DIP2C: variants seen among roughly 807,000 people sequenced by gnomAD.
DIP2C encodes the protein disco-interacting protein 2 homolog C.
Under a neutral mutation model 192.4 loss-of-function variants are expected in DIP2C, and 33 were observed. That is an observed-to-expected ratio of 0.17 (90% CI 0.13 to 0.23). DIP2C has a LOEUF of 0.23. DIP2C is among the 10% of genes least tolerant of loss of function. The pLI is 1.00. For missense variants in DIP2C, 1,537 were observed against 2,110.1 expected, an observed-to-expected ratio of 0.73 and a Z score of 5.32; for synonymous variants, 979 against 864.1, an observed-to-expected ratio of 1.13 and a Z score of -2.33.
At chr10:532,580 AGAGAGAGTATGGGTGT>A (rs1847443753) in intron 1 of DIP2C, among the ~76,000 whole-genome samples, 7 of 130,742 alleles carry the variant, frequency 5.4e-5, no homozygotes, top group South Asian at 2.5e-4. Flanking sequence ...TATGGGTGTG[AGAGAGAGTATGGGTGT>A]GAGAGAGAGT....
intron 3 of DIP2C, 58 bp downstream of exon 3, chr10:472,381 G>A: frequency 6.6e-7 from 1 of 1,519,752 alleles, no homozygotes; most frequent in South Asian, 1.1e-5. Context: ...CTGGGCACAG[G>A]CACCGTCCTG....
chr10:351,011 C>T (rs957088716), intron 24 of DIP2C, among the ~76,000 whole-genome samples: 7 of 151,868 alleles, frequency 4.6e-5, no homozygotes, highest in Admixed American at 2.6e-4. Context: ...GAGCGCGCGG[C>T]GGGCCTGGCA....
intron 1 of DIP2C, among the ~76,000 whole-genome samples, chr10:542,046 GA>G (rs1848021561): frequency 6.6e-6 from 1 of 152,148 alleles, no homozygotes; most frequent in Non-Finnish European, 1.5e-5. Flanking sequence ...CTATCTGCGG[GA>G]GCCGGCACCC....
intron 1 of DIP2C, among the ~76,000 whole-genome samples, chr10:598,693 A>G (rs1281595258): frequency 2.0e-5 from 3 of 152,216 alleles, no homozygotes; most frequent in Non-Finnish European, 4.4e-5. Flanking sequence ...AGCTCAAGAG[A>G]AAATCCACAC....
intron 1 of DIP2C, among the ~76,000 whole-genome samples, chr10:587,511 C>T (rs547505970): frequency 6.6e-6 from 1 of 152,326 alleles, no homozygotes; most frequent in Admixed American, 6.5e-5. Context: ...ACCTACAGTC[C>T]TATAAAGGTC....
intron 1 of DIP2C, among the ~76,000 whole-genome samples, chr10:580,001 T>C (rs1247151311): frequency 3.3e-5 from 5 of 152,004 alleles, no homozygotes; most frequent in African/African-American, 7.3e-5. Context: ...CACTATAACA[T>C]GTATGTACAT....
At chr10:390,645 C>A in intron 11 of DIP2C, 95 bp downstream of exon 11, 1 of 1,535,298 alleles carries the variant, frequency 6.5e-7, no homozygotes, top group Admixed American at 2.0e-5. Flanking sequence ...TTTCATTCCA[C>A]AGAGGATTGA....
chr10:640,970 G>A (rs547259978), intron 1 of DIP2C, among the ~76,000 whole-genome samples: 3 of 152,232 alleles, frequency 2.0e-5, no homozygotes, highest in Admixed American at 2.0e-4. Flanking sequence ...CTGTGGACAC[G>A]TGTGAATATG....
intron 1 of DIP2C, among the ~76,000 whole-genome samples, chr10:557,827 A>AAGGCAGGC (rs1165738629): frequency 2.7e-5 from 1 of 37,636 alleles, no homozygotes; most frequent in African/African-American, 2.6e-4. Flanking sequence ...AGGGGGCAGG[A>AAGGCAGGC]AGGCAGGCAG....
At chr10:431,192 GTCTT>G (rs1341463336) in intron 4 of DIP2C, among the ~76,000 whole-genome samples, 2 of 152,202 alleles carry the variant, frequency 1.3e-5, no homozygotes, top group African/African-American at 4.8e-5. Flanking sequence ...GCTGTTCTGA[GTCTT>G]TCATCTCTCC....
chr10:629,870 A>T (rs1411372258), intron 1 of DIP2C: 3 of 152,016 alleles, frequency 2.0e-5, no homozygotes, highest in African/African-American at 7.3e-5. Context: ...ATAGATCTGG[A>T]CTCCATCCTT....
intron 1 of DIP2C, among the ~76,000 whole-genome samples, chr10:560,944 T>C (rs1219835923): frequency 2.0e-5 from 3 of 152,156 alleles, no homozygotes; most frequent in Non-Finnish European, 4.4e-5. Context: ...TGACAAAGCC[T>C]TGGTCTCCAC....
intron 1 of DIP2C, among the ~76,000 whole-genome samples, chr10:565,355 A>T (rs1408606181): frequency 1.3e-4 from 10 of 74,376 alleles, no homozygotes; most frequent in South Asian, 6.2e-4. Flanking sequence ...CCTGCATTCT[A>T]AAAAAAAAAA....
At chr10:283,567 G>A (rs1954949268) in intron 34 of DIP2C, 121 bp from the exon 35 acceptor site, 2 of 1,186,358 alleles carry the variant, frequency 1.7e-6, no homozygotes, top group Non-Finnish European at 2.4e-6. Flanking sequence ...TCCTTGGACT[G>A]AATAACCAAG....
intron 3 of DIP2C, 74 bp from the exon 4 acceptor site, chr10:441,070 C>T: frequency 2.7e-6 from 4 of 1,495,838 alleles, no homozygotes; most frequent in Non-Finnish European, 3.6e-6. Flanking sequence ...TCCTCTCTGT[C>T]CCTGCAGCAC....
intron 31 of DIP2C, among the ~76,000 whole-genome samples, chr10:320,200 A>G (rs538697126): frequency 1.4e-3 from 213 of 152,350 alleles, no homozygotes; most frequent in African/African-American, 4.8e-3. Flanking sequence ...TCAAGTAAGG[A>G]TATGTTTAAT....
At chr10:478,444 T>A (rs1297393771) in intron 2 of DIP2C, among the ~76,000 whole-genome samples, 2 of 147,358 alleles carry the variant, frequency 1.4e-5, no homozygotes, top group African/African-American at 2.6e-5. Context: ...CCAATTCCCA[T>A]CTTTTTCTCA....
intron 4 of DIP2C, among the ~76,000 whole-genome samples, chr10:436,916 G>A (rs372791374): frequency 2.6e-4 from 29 of 110,660 alleles, no homozygotes; most frequent in African/African-American, 4.8e-4. Flanking sequence ...TCTGAGCTCC[G>A]CCTCCTGGAC....
intron 1 of DIP2C, among the ~76,000 whole-genome samples, chr10:545,167 T>TTTTA (rs1564836051): frequency 6.6e-5 from 2 of 30,430 alleles, no homozygotes; most frequent in African/African-American, 4.4e-4. Context: ...GTGTTTTCCC[T>TTTTA]TTTTTTTTTT....
Sources: gnomAD v4.1 joint callset for allele counts (sites outside exome capture counted in the v4.1 genomes callset) on GRCh38, gnomAD v4.1.1 for gene constraint, MANE v1.5 for transcripts, NCBI Gene and HGNC (gene_info 2026-07-23, HGNC 2026-07-21) for gene names.